The following PCDHA13 variants were observed in gnomAD, a reference collection of about 807,000 sequenced individuals.
PCDHA13 encodes protocadherin alpha 13.
In PCDHA13, 54 loss-of-function variants were observed where a neutral mutation model predicts 64.8. The observed-to-expected ratio is 0.83, with a 90% CI of 0.67 to 1.04. The LOEUF is 1.04. PCDHA13 is among the 50% of genes least tolerant of loss of function. The probability of loss-of-function intolerance (pLI) is 0.00; values close to 1 mark genes in which losing one functional copy is unlikely to be tolerated. For missense variants in PCDHA13, 1,248 were observed against 1,254.3 expected (o/e 0.99, Z 0.08); for synonymous variants, 587 against 564.4 (o/e 1.04, Z -0.57).
intron 1 of PCDHA13, among the ~76,000 whole-genome samples, chr5:140,951,551 A>T (rs246040): frequency 0.31 from 47,721 of 151,608 alleles, 7,835 homozygotes; most frequent in East Asian, 0.53. Flanking sequence ...GACGGGGGGA[A>T]GTGCTACGCA....
intron 1 of PCDHA13, among the ~76,000 whole-genome samples, chr5:140,891,754 T>C (rs1221942340): frequency 6.6e-6 from 1 of 152,174 alleles, no homozygotes; most frequent in Non-Finnish European, 1.5e-5. Flanking sequence ...ACAACAGTGT[T>C]GGGAGGTGGG....
chr5:140,946,221 A>G (rs1287007358), intron 1 of PCDHA13, among the ~76,000 whole-genome samples: 2 of 152,214 alleles, frequency 1.3e-5, no homozygotes, highest in Admixed American at 6.5e-5. Context: ...ACCAACAGGT[A>G]TACTAAAAAA....
intron 1 of PCDHA13, among the ~76,000 whole-genome samples, chr5:140,941,227 CTT>C (rs797022976): frequency 1.5e-5 from 2 of 136,000 alleles, no homozygotes; most frequent in Admixed American, 7.7e-5. Context: ...TTCTTTCTTT[CTT>C]TCTTTCTTTC....
In PCDHA13 at chr5:140,926,779, C is replaced by T. The variant is rs1262086128; in HGVS notation, c.2394+42117C>T. 8 of 1,398,696 alleles carry T rather than the reference C, an allele frequency of 5.7e-6. No individual in the cohort carries two copies. In the South Asian group the frequency reaches 1.2e-4, roughly 21 times the overall value. 86.6% of individuals were successfully genotyped at this position (1,398,696 alleles called of 1,614,324 possible). A position where few individuals can be genotyped will look rare whatever the true frequency, so the allele number is the denominator to read the frequency against. On this transcript the variant is annotated intron_variant, in intron 1 of 3. Transcript: ENST00000289272. ...CTGAGTATCCAGCCCGCAGCAGTGACGGCCGGCAGGAGCGTGCTCTTCCCC... is the reference window on the plus strand; with the variant it reads ...CTGAGTATCCAGCCCGCAGCAGTGATGGCCGGCAGGAGCGTGCTCTTCCCC...
chr5:140,957,416 A>T (rs1456143168), intron 1 of PCDHA13, among the ~76,000 whole-genome samples: 2 of 152,144 alleles, frequency 1.3e-5, no homozygotes, highest in East Asian at 1.9e-4. Flanking sequence ...TATTGTTGTT[A>T]ATCTTTTACT....
chr5:141,010,293 G>T lies in PCDHA13; in HGVS notation c.*356G>T. 6.5e-7 allele frequency: 1 copy of T among 1,549,794 alleles called. No homozygotes were observed. Among genetic ancestry groups the T allele is most frequent in the Non-Finnish European group, 8.7e-7 (1 of 1,146,454 alleles). On this transcript the variant is annotated 3_prime_UTR_variant, in exon 4 of 4. Coordinates refer to ENST00000289272, the MANE Select transcript of PCDHA13 (RefSeq NM_018904.3). ...ATCCTGTCTTGATGACACTTGCAGG[G>T]CAGGCTGAAAAGTTTTGAGATTGAG...
In PCDHA13 at chr5:141,011,003, C is replaced by T. The variant is rs748731648; in HGVS notation, c.*1066C>T. ...ATTGCCTGAAACATCTGTATTATAT[C>T]GGCCACCTGCCAATCACAGCTTTAC... On this transcript the variant is annotated 3_prime_UTR_variant, in exon 4 of 4. Coordinates refer to ENST00000289272, the MANE Select transcript of PCDHA13 (RefSeq NM_018904.3). 1 of 153,706 alleles carries T rather than the reference C, an allele frequency of 6.5e-6. No individual in the cohort carries two copies. The highest frequency in any genetic ancestry group is 2.1e-4 in the South Asian group (1 of 4,816). 9.5% of individuals were successfully genotyped at this position (153,706 alleles called of 1,614,324 possible).
At chr5:141,002,550 G>A (rs1458455103) in intron 3 of PCDHA13, among the ~76,000 whole-genome samples, 1 of 152,186 alleles carries the variant, frequency 6.6e-6, no homozygotes, top group African/African-American at 2.4e-5. Context: ...TGAGTCCCAG[G>A]ATCCACCAGT....
At chr5:140,937,945 G>T (rs1464890227) in intron 1 of PCDHA13, among the ~76,000 whole-genome samples, 1 of 151,840 alleles carries the variant, frequency 6.6e-6, no homozygotes, top group Non-Finnish European at 1.5e-5. Context: ...TTGATAATTG[G>T]CTTTTGTTGA....
chr5:140,987,012 G>A (rs2097222470), intron 3 of PCDHA13, among the ~76,000 whole-genome samples: 1 of 151,994 alleles, frequency 6.6e-6, no homozygotes. Context: ...TCATGAGTTC[G>A]AGACCAGCCT....
chr5:140,905,750 C>T (rs1349523564), intron 1 of PCDHA13, among the ~76,000 whole-genome samples: 1 of 152,102 alleles, frequency 6.6e-6, no homozygotes, highest in Non-Finnish European at 1.5e-5. Flanking sequence ...GATCTTTCAC[C>T]TCCTTGGTTA....
In PCDHA13 at chr5:140,986,535, G is replaced by A. The variant is rs552843991; in HGVS notation, c.2542+3972G>A. Among the ~76,000 whole-genome samples, 134 of 152,300 alleles carry A rather than the reference G, an allele frequency of 8.8e-4. 1 individual carries two copies. Among genetic ancestry groups the A allele is most frequent in the Non-Finnish European group, 1.4e-3 (98 of 68,024 alleles). Reference sequence around the variant, plus strand: ...CCCTGCCTGTGAGGGAACTGGCCTGGCTTCAGTGGGCCAGGCTGCTTTGTT... The same window carrying A: ...CCCTGCCTGTGAGGGAACTGGCCTGACTTCAGTGGGCCAGGCTGCTTTGTT... On this transcript the variant is annotated intron_variant, in intron 3 of 3. Transcript: ENST00000289272.
Position 140,922,562 on chromosome 5 carries a change from T to A in PCDHA13, c.2394+37900T>A, listed in dbSNP as rs2080887973. Among the ~76,000 whole-genome samples, 4 of 152,188 alleles carry A rather than the reference T, an allele frequency of 2.6e-5. No individual in the cohort carries two copies. In the South Asian group the frequency reaches 8.3e-4, roughly 31 times the overall value. ...GGCAAGGTAAGGAGAAAAGTCAGGA[T>A]GACAAGTTGCCCTGTAGCCGCCAGT... On this transcript the variant is annotated intron_variant, in intron 1 of 3. Transcript: ENST00000289272.
chr5:140,898,560 G>T lies in PCDHA13; in HGVS notation c.2394+13898G>T, dbSNP rs185604146. On this transcript the variant is annotated intron_variant, in intron 1 of 3. Coordinates refer to ENST00000289272, the MANE Select transcript of PCDHA13 (RefSeq NM_018904.3). ...TTCCATTTATCTATGTCTCTGTTTT[G>T]GTACCAGTGCCATGCTGTTTTGGTT... Among the ~76,000 whole-genome samples the T allele has an allele frequency of 5.1e-3, 775 of 152,210 alleles. 4 individuals carry two copies. The highest frequency in any genetic ancestry group is 8.5e-3 in the Non-Finnish European group (578 of 68,016).
chr5:140,938,500 T>C (rs1450018538), intron 1 of PCDHA13, among the ~76,000 whole-genome samples: 2 of 152,156 alleles, frequency 1.3e-5, no homozygotes, highest in Non-Finnish European at 2.9e-5. Context: ...AGGCATTGAA[T>C]TTATCACATA....
intron 1 of PCDHA13, among the ~76,000 whole-genome samples, chr5:140,918,702 G>A (rs2078814490): frequency 6.6e-6 from 1 of 152,150 alleles, no homozygotes; most frequent in Non-Finnish European, 1.5e-5. Flanking sequence ...ATTAAGTCAT[G>A]AGGGCAGAGC....
intron 1 of PCDHA13, among the ~76,000 whole-genome samples, chr5:140,955,553 C>A (rs782183120): frequency 2.6e-5 from 4 of 152,088 alleles, no homozygotes; most frequent in Non-Finnish European, 5.9e-5. Flanking sequence ...TGAGGCCTCC[C>A]CAGCCATACT....
At chr5:140,888,753 AC>A (rs1372547782) in intron 1 of PCDHA13, among the ~76,000 whole-genome samples, 1 of 149,022 alleles carries the variant, frequency 6.7e-6, no homozygotes, top group African/African-American at 2.5e-5. Context: ...TATTCTACCC[AC>A]TTTTTTTTTT....
At chr5:140,968,324 T>C (rs781875050) in intron 1 of PCDHA13, 15 of 1,613,972 alleles carry the variant, frequency 9.3e-6, no homozygotes. Context: ...GCCAGTCACC[T>C]CCTATGTCTC....
Sources: gnomAD v4.1 joint callset for allele counts (sites outside exome capture counted in the v4.1 genomes callset) on GRCh38, gnomAD v4.1.1 for gene constraint, MANE v1.5 for transcripts, NCBI Gene and HGNC (gene_info 2026-07-23, HGNC 2026-07-21) for gene names.